The following NEGR1 variants were observed in gnomAD, a reference collection of about 807,000 sequenced individuals.
NEGR1 encodes neuronal growth regulator 1.
Under a neutral mutation model 40.9 loss-of-function variants are expected in NEGR1, and 10 were observed. The observed-to-expected ratio is 0.24, with a 90% CI of 0.15 to 0.42. The LOEUF (loss-of-function observed/expected upper bound fraction) is 0.42, where lower values mean the gene tolerates loss of function less well. NEGR1 is among the 10% of genes least tolerant of loss of function. The probability of loss-of-function intolerance (pLI) is 1.00; values close to 1 mark genes in which losing one functional copy is unlikely to be tolerated. For synonymous variants in NEGR1, 185 were observed against 166.8 expected, an observed-to-expected ratio of 1.11 and a Z score of -0.84; for missense variants, 352 against 438.9, an observed-to-expected ratio of 0.80 and a Z score of 1.77.
chr1:72,243,687 T>C (rs1338129296), intron 1 of NEGR1, among the ~76,000 whole-genome samples: 4 of 151,768 alleles, frequency 2.6e-5, no homozygotes, highest in Non-Finnish European at 4.4e-5. Context: ...TATAACAAAT[T>C]ATAAAACCAA....
chr1:72,159,902 T>C (rs906265400), intron 1 of NEGR1, among the ~76,000 whole-genome samples: 1 of 152,150 alleles, frequency 6.6e-6, no homozygotes, highest in Non-Finnish European at 1.5e-5. Flanking sequence ...TATAAACTGA[T>C]CTAAAATTAA....
intron 1 of NEGR1, among the ~76,000 whole-genome samples, chr1:72,009,305 C>T (rs1459465622): frequency 6.6e-6 from 1 of 152,012 alleles, no homozygotes; most frequent in African/African-American, 2.4e-5. Flanking sequence ...ACCAAGCCAT[C>T]CCTTTTCCCT....
chr1:71,486,749 A>C (rs1646890489), intron 6 of NEGR1: 1 of 151,620 alleles, frequency 6.6e-6, no homozygotes, highest in Non-Finnish European at 1.5e-5. Context: ...CAAAGATGTT[A>C]ATTTATGTAA....
At chr1:72,215,855 C>G (rs967657558) in intron 1 of NEGR1, among the ~76,000 whole-genome samples, 1 of 151,988 alleles carries the variant, frequency 6.6e-6, no homozygotes, top group Non-Finnish European at 1.5e-5. Flanking sequence ...AATCTCATTA[C>G]TGGGTATATA....
intron 3 of NEGR1, among the ~76,000 whole-genome samples, chr1:71,739,523 T>TA (rs57763111): frequency 1.0e-3 from 143 of 138,578 alleles, no homozygotes; most frequent in Middle Eastern, 3.8e-3. Context: ...AACAAAAAAC[T>TA]AAAAAAAAAA....
At chr1:72,237,879 G>C (rs958073899) in intron 1 of NEGR1, among the ~76,000 whole-genome samples, 1 of 151,868 alleles carries the variant, frequency 6.6e-6, no homozygotes, top group Non-Finnish European at 1.5e-5. Flanking sequence ...ATGTACAATT[G>C]AGTTAATAAC....
chr1:71,662,716 A>G (rs954100413), intron 4 of NEGR1, among the ~76,000 whole-genome samples: 1 of 151,394 alleles, frequency 6.6e-6, no homozygotes, highest in Non-Finnish European at 1.5e-5. Flanking sequence ...TAAAATAGAA[A>G]TGGAAATACA....
In NEGR1 at chr1:71,761,019, T is replaced by G. The variant is rs868540718; in HGVS notation, c.535+15153A>C. Among the ~76,000 whole-genome samples the G allele has an allele frequency of 1.8e-4, 27 of 152,360 alleles. No homozygotes were observed. The Middle Eastern group carries it at 0.01, about 58-fold the overall frequency. Reference sequence around the variant, plus strand: ...GATTTTAGCTCATAATTTTCATGTTTTACTGTCTCCTAGTTTTTCAGATAA... The same window carrying G: ...GATTTTAGCTCATAATTTTCATGTTGTACTGTCTCCTAGTTTTTCAGATAA... On this transcript the variant is annotated intron_variant, in intron 3 of 6. Coordinates refer to ENST00000357731, the MANE Select transcript of NEGR1 (RefSeq NM_173808.3).
chr1:72,160,529 C>A lies in NEGR1; in HGVS notation c.176+121790G>T, dbSNP rs550639925. ...AGTCAATTTTCAATTACAGAAAGAC[C>A]AAAGGAGCAGCAGAAATAAGTCAAA... On this transcript the variant is annotated intron_variant, in intron 1 of 6. Transcript: ENST00000357731. Among the ~76,000 whole-genome samples the A allele has an allele frequency of 2.0e-3, 303 of 151,832 alleles. 1 individual carries two copies. Among genetic ancestry groups the A allele is most frequent in the East Asian group, 3.1e-3 (16 of 5,156 alleles).
intron 6 of NEGR1, among the ~76,000 whole-genome samples, chr1:71,470,601 TGCCTGA>T (rs1336113382): frequency 2.0e-5 from 3 of 152,136 alleles, no homozygotes; most frequent in Non-Finnish European, 4.4e-5. Flanking sequence ...GTGCTTTTAC[TGCCTGA>T]TCCTTGTCAA....
At chr1:71,549,445 T>G (rs965246134) in intron 6 of NEGR1, among the ~76,000 whole-genome samples, 1 of 151,734 alleles carries the variant, frequency 6.6e-6, no homozygotes, top group Non-Finnish European at 1.5e-5. Flanking sequence ...CAAAATTTCA[T>G]TGGTCAGAAA....
chr1:71,409,848 G>C (rs1506458), intron 6 of NEGR1, among the ~76,000 whole-genome samples: 145,284 of 152,034 alleles, frequency 0.96, 69,769 homozygotes, highest in East Asian at 1. Flanking sequence ...TTTTCTGAAG[G>C]AAGCCACGTG....
intron 3 of NEGR1, among the ~76,000 whole-genome samples, chr1:71,744,738 A>C (rs1451955230): frequency 6.6e-6 from 1 of 152,204 alleles, no homozygotes; most frequent in Non-Finnish European, 1.5e-5. Flanking sequence ...GTTCAATCTT[A>C]GTTTTTTAAG....
chr1:71,946,947 G>A (rs1264977362), intron 1 of NEGR1, among the ~76,000 whole-genome samples: 1 of 151,074 alleles, frequency 6.6e-6, no homozygotes, highest in Non-Finnish European at 1.5e-5. Context: ...TAGACATGGT[G>A]GTGTGCTCCT....
At chr1:72,192,886 G>A (rs1462388990) in intron 1 of NEGR1, among the ~76,000 whole-genome samples, 1 of 151,654 alleles carries the variant, frequency 6.6e-6, no homozygotes, top group Non-Finnish European at 1.5e-5. Flanking sequence ...ATACTTATAA[G>A]CAATTAGGTT....
chr1:71,895,442 AC>A (rs1184414312), intron 2 of NEGR1, among the ~76,000 whole-genome samples: 1 of 152,142 alleles, frequency 6.6e-6, no homozygotes. Flanking sequence ...TCCCATTAGT[AC>A]CTACTCCTCA....
chr1:71,545,249 C>T (rs1647854394), intron 6 of NEGR1, among the ~76,000 whole-genome samples: 1 of 151,596 alleles, frequency 6.6e-6, no homozygotes, highest in Non-Finnish European at 1.5e-5. Context: ...GTTTGTCTGC[C>T]TTTGACCAGT....
intron 2 of NEGR1, among the ~76,000 whole-genome samples, chr1:71,898,099 T>A (rs1345042738): frequency 1.3e-5 from 2 of 152,190 alleles, no homozygotes; most frequent in East Asian, 3.9e-4. Flanking sequence ...TAGGAATTAC[T>A]GCGAGTCTGT....
At chr1:71,783,760 A>G (rs1246961312) in intron 2 of NEGR1, among the ~76,000 whole-genome samples, 1 of 152,052 alleles carries the variant, frequency 6.6e-6, no homozygotes, top group Non-Finnish European at 1.5e-5. Context: ...GTTTTTCTCA[A>G]TCTATTCTGT....
Sources: allele counts gnomAD v4.1 joint callset (sites outside exome capture counted in the v4.1 genomes callset), GRCh38; gene constraint gnomAD v4.1.1; transcripts MANE v1.5; gene names NCBI Gene and HGNC (gene_info 2026-07-23, HGNC 2026-07-21).